OTULIN: variants seen among roughly 807,000 people sequenced by gnomAD.
OTULIN encodes OTU deubiquitinase with linear linkage specificity.
OTULIN carries 15 observed loss-of-function variants against 39.6 expected under a neutral mutation model. The observed-to-expected ratio is 0.38, with a 90% CI of 0.25 to 0.58. The LOEUF (loss-of-function observed/expected upper bound fraction) is 0.58, where lower values mean the gene tolerates loss of function less well. OTULIN is among the 20% of genes least tolerant of loss of function. The probability of loss-of-function intolerance (pLI) is 0.66; values close to 1 mark genes in which losing one functional copy is unlikely to be tolerated. For missense variants in OTULIN, 319 were observed against 445.9 expected (o/e 0.72, Z 2.56); for synonymous variants, 156 against 170.3 (o/e 0.92, Z 0.65).
At chr5:14,704,013 A>G (rs964098860), downstream of OTULIN, among the ~76,000 whole-genome samples, 7 of 152,264 alleles carry the variant, frequency 4.6e-5, no homozygotes, top group Admixed American at 3.3e-4. Context: ...TCTTTCTTTG[A>G]GGTTAAAACA....
chr5:14,711,155 T>G, the OTULIN span: 6 of 1,500,406 alleles, frequency 4.0e-6, no homozygotes, highest in East Asian at 1.4e-4. Context: ...CGAAGTGTCA[T>G]CCTGACTGAC....
At chr5:14,674,526 CG>C (rs1318149722) in intron 2 of OTULIN, among the ~76,000 whole-genome samples, 2 of 152,182 alleles carry the variant, frequency 1.3e-5, no homozygotes, top group Admixed American at 1.3e-4. Context: ...GAGGCCGAGG[CG>C]GGCGGATTGC....
chr5:14,684,257 T>G (rs1213432960), intron 4 of OTULIN, among the ~76,000 whole-genome samples: 1 of 152,240 alleles, frequency 6.6e-6, no homozygotes, highest in East Asian at 1.9e-4. Context: ...GAATGTTAGC[T>G]GAAGAACGTC....
the OTULIN span, chr5:14,711,025 G>A: frequency 1.5e-6 from 1 of 679,306 alleles, no homozygotes; most frequent in Non-Finnish European, 2.7e-6. Flanking sequence ...CCCCGTCAGT[G>A]TGAGCATACC....
intron 3 of OTULIN, among the ~76,000 whole-genome samples, chr5:14,679,076 T>C (rs1736179278): frequency 6.6e-6 from 1 of 152,194 alleles, no homozygotes; most frequent in Admixed American, 6.5e-5. Context: ...TTTGGGAATG[T>C]CCTTTTTGGT....
At chr5:14,716,441 G>A in the OTULIN span, among the ~76,000 whole-genome samples, 4 of 152,212 alleles carry the variant, frequency 2.6e-5, no homozygotes, top group Admixed American at 2.0e-4. Flanking sequence ...GCAGTGAGCC[G>A]ACATTGTGCT....
intron 5 of OTULIN, among the ~76,000 whole-genome samples, chr5:14,688,192 C>T (rs544094084): frequency 6.6e-6 from 1 of 152,272 alleles, no homozygotes; most frequent in South Asian, 2.1e-4. Flanking sequence ...TTCTACCTTT[C>T]TGTGGCTTTC....
chr5:14,670,900 T>C (rs1179329279), intron 1 of OTULIN, among the ~76,000 whole-genome samples: 3 of 152,178 alleles, frequency 2.0e-5, no homozygotes, highest in African/African-American at 7.2e-5. Context: ...ATTTTCTGTA[T>C]GTCCTTGGTG....
At chr5:14,714,353 C>T in the OTULIN span, among the ~76,000 whole-genome samples, 3 of 152,322 alleles carry the variant, frequency 2.0e-5, no homozygotes, top group Non-Finnish European at 4.4e-5. Flanking sequence ...GTGGAGAGCA[C>T]GGGGCTTGCC....
Position 14,690,769 on chromosome 5 carries a change from A to G in OTULIN, c.864+461A>G, listed in dbSNP as rs1242108573. Reference sequence around the variant, plus strand: ...AGTTACTTGATGCATTCCACTCTCAAGAGGAGGGGAATTTGGCTCCACCTT... The same window carrying G: ...AGTTACTTGATGCATTCCACTCTCAGGAGGAGGGGAATTTGGCTCCACCTT... On this transcript the variant is annotated intron_variant, in intron 6 of 6. Coordinates refer to ENST00000284274, the MANE Select transcript of OTULIN (RefSeq NM_138348.6). This position sits in a 1 kb window ranked among gnomAD's most constrained non-coding sequence, Gnocchi z 4.5. 1.3e-5 allele frequency among the ~76,000 whole-genome samples: 2 copies of G among 151,894 alleles called. No individual in the cohort carries two copies. Among genetic ancestry groups the G allele is most frequent in the African/African-American group, 4.9e-5 (2 of 41,202 alleles).
chr5:14,668,533 A>G (rs747856830), intron 1 of OTULIN, among the ~76,000 whole-genome samples: 12 of 152,314 alleles, frequency 7.9e-5, no homozygotes, highest in Non-Finnish European at 1.5e-4. Flanking sequence ...CTGTGTGGGA[A>G]GGTGTGTTAG....
the OTULIN span, chr5:14,705,987 A>G: frequency 2.6e-5 from 4 of 152,154 alleles, no homozygotes; most frequent in African/African-American, 9.7e-5. Flanking sequence ...CATTGCCTCT[A>G]AATCTTATAG....
At chr5:14,705,526 ATGAG>A in the OTULIN span, 1 of 152,244 alleles carries the variant, frequency 6.6e-6, no homozygotes, top group Non-Finnish European at 1.5e-5. Flanking sequence ...TCTTAAATGA[ATGAG>A]TGTCGGCATG....
chr5:14,710,925 G>GTGTC, the OTULIN span: 2 of 438,696 alleles, frequency 4.6e-6, no homozygotes. Context: ...TGAGGCAGCT[G>GTGTC]TGTCTTTTGG....
chr5:14,674,057 G>C (rs1736040868), intron 2 of OTULIN: 1 of 171,482 alleles, frequency 5.8e-6, no homozygotes, highest in Non-Finnish European at 1.2e-5. Flanking sequence ...ATTTCAAATG[G>C]AAAGACTTAA....
intron 2 of OTULIN, among the ~76,000 whole-genome samples, chr5:14,677,289 A>G (rs535372385): frequency 6.6e-6 from 1 of 152,186 alleles, no homozygotes; most frequent in South Asian, 2.1e-4. Flanking sequence ...TCCTGTCTTC[A>G]TCACCTTTTA....
chr5:14,666,756 C>T (rs2126810839), intron 1 of OTULIN, among the ~76,000 whole-genome samples: 1 of 152,302 alleles, frequency 6.6e-6, no homozygotes, highest in South Asian at 2.1e-4. Context: ...TAAGATGTCA[C>T]CTTTTAAACA....
At chr5:14,707,985 TTCC>T in the OTULIN span, 1 of 152,166 alleles carries the variant, frequency 6.6e-6, no homozygotes. Context: ...ACGGGAGAGT[TTCC>T]TGCCAATGTG....
chr5:14,687,678 G>A (rs1736420420), intron 5 of OTULIN, 32 bp downstream of exon 5: 1 of 1,557,152 alleles, frequency 6.4e-7, no homozygotes, highest in Admixed American at 2.1e-5. Context: ...GTCTGATAAG[G>A]GTGAAGCTCT....
Sources: gnomAD v4.1 joint callset for allele counts (sites outside exome capture counted in the v4.1 genomes callset) on GRCh38, gnomAD v4.1.1 for gene constraint, Gnocchi (gnomAD v3.1) non-coding constraint, MANE v1.5 for transcripts, NCBI Gene and HGNC (gene_info 2026-07-23, HGNC 2026-07-21) for gene names.